The following XKR4 variants were observed in gnomAD, a reference collection of about 807,000 sequenced individuals.
The protein encoded by XKR4 is XK related 4.
In XKR4, 12 loss-of-function variants were observed where a neutral mutation model predicts 53.9. That is an observed-to-expected ratio of 0.22 (90% CI 0.14 to 0.36). XKR4 has a LOEUF of 0.36. XKR4 is among the 10% of genes least tolerant of loss of function. The probability of loss-of-function intolerance (pLI) is 1.00; values close to 1 mark genes in which losing one functional copy is unlikely to be tolerated. For synonymous variants in XKR4, 354 were observed against 362.4 expected (o/e 0.98, Z 0.26); for missense variants, 799 against 859.5 (o/e 0.93, Z 0.88).
chr8:55,268,780 T>G (rs138119393), intron 1 of XKR4, among the ~76,000 whole-genome samples: 1 of 152,334 alleles, frequency 6.6e-6, no homozygotes, highest in Non-Finnish European at 1.5e-5. Flanking sequence ...ATTCCTATTT[T>G]ATTAGATGAG....
intron 2 of XKR4, among the ~76,000 whole-genome samples, chr8:55,425,002 A>G (rs1180526465): frequency 2.0e-5 from 3 of 152,224 alleles, no homozygotes; most frequent in African/African-American, 4.8e-5. Context: ...AAACTGGAAC[A>G]TCTAAATCTC....
intron 1 of XKR4, among the ~76,000 whole-genome samples, chr8:55,122,585 G>C (rs979353557): frequency 6.6e-6 from 1 of 152,200 alleles, no homozygotes; most frequent in Non-Finnish European, 1.5e-5. Context: ...TGAATAGTCA[G>C]TATGTGAGCA....
intron 1 of XKR4, among the ~76,000 whole-genome samples, chr8:55,342,074 G>C (rs1430074012): frequency 6.6e-6 from 1 of 151,938 alleles, no homozygotes; most frequent in Non-Finnish European, 1.5e-5. Flanking sequence ...AACTTAAACT[G>C]TCCAAAGCTC....
chr8:55,247,299 C>T (rs1403327821), intron 1 of XKR4, among the ~76,000 whole-genome samples: 1 of 152,036 alleles, frequency 6.6e-6, no homozygotes, highest in Non-Finnish European at 1.5e-5. Flanking sequence ...TTTTTCCTGC[C>T]CCTTAAACTG....
intron 2 of XKR4, among the ~76,000 whole-genome samples, chr8:55,472,639 C>T (rs989877504): frequency 7.9e-5 from 12 of 151,996 alleles, no homozygotes; most frequent in African/African-American, 2.9e-4. Flanking sequence ...AGGAGCACTT[C>T]GTAGACAAGG....
At chr8:55,176,460 C>T (rs568543910) in intron 1 of XKR4, among the ~76,000 whole-genome samples, 4 of 151,490 alleles carry the variant, frequency 2.6e-5, no homozygotes, top group East Asian at 1.9e-4. Context: ...AGTGTGTGTG[C>T]GTGTGTGTGT....
intron 2 of XKR4, among the ~76,000 whole-genome samples, chr8:55,390,793 G>A (rs911293974): frequency 6.6e-6 from 1 of 152,156 alleles, no homozygotes; most frequent in African/African-American, 2.4e-5. Flanking sequence ...GACTTTGTTC[G>A]CTGTACATTG....
At chr8:55,237,633 C>G (rs1440304783) in intron 1 of XKR4, among the ~76,000 whole-genome samples, 1 of 152,142 alleles carries the variant, frequency 6.6e-6, no homozygotes, top group African/African-American at 2.4e-5. Context: ...CTGCATATCT[C>G]CACTACTTTC....
chr8:55,223,162 A>G (rs1347017858), intron 1 of XKR4, among the ~76,000 whole-genome samples: 1 of 152,224 alleles, frequency 6.6e-6, no homozygotes, highest in African/African-American at 2.4e-5. Flanking sequence ...ATGGGTGTCA[A>G]CTACGCATGT....
At chr8:55,146,654 A>G (rs982702018) in intron 1 of XKR4, among the ~76,000 whole-genome samples, 1 of 152,344 alleles carries the variant, frequency 6.6e-6, no homozygotes, top group Middle Eastern at 3.4e-3. Flanking sequence ...AGGAAACTGT[A>G]TCTTTTTCAT....
At chr8:55,258,800 G>A (rs1818474737) in intron 1 of XKR4, among the ~76,000 whole-genome samples, 2 of 152,118 alleles carry the variant, frequency 1.3e-5, no homozygotes, top group South Asian at 2.1e-4. Flanking sequence ...TCACTTCCTT[G>A]CTGTCCCCTC....
chr8:55,244,535 C>T (rs533329247), intron 1 of XKR4, among the ~76,000 whole-genome samples: 20 of 152,278 alleles, frequency 1.3e-4, no homozygotes, highest in Admixed American at 5.2e-4. Context: ...CATACATGTG[C>T]ATGTGTCTTT....
intron 1 of XKR4, among the ~76,000 whole-genome samples, chr8:55,287,840 T>C (rs1471439934): frequency 6.6e-6 from 1 of 152,188 alleles, no homozygotes; most frequent in Non-Finnish European, 1.5e-5. Flanking sequence ...AGCAAAAATT[T>C]TAAAAAGAAG....
intron 1 of XKR4, among the ~76,000 whole-genome samples, chr8:55,193,196 G>A (rs893269216): frequency 6.6e-6 from 1 of 152,124 alleles, no homozygotes; most frequent in Non-Finnish European, 1.5e-5. Context: ...AGAATGATTT[G>A]CTTTCTCTGT....
At chr8:55,292,383 T>C (rs1819034675) in intron 1 of XKR4, among the ~76,000 whole-genome samples, 2 of 152,098 alleles carry the variant, frequency 1.3e-5, no homozygotes, top group Admixed American at 6.5e-5. Context: ...TGAGTTATAG[T>C]GGTTTGTGTT....
rs1026249272 is a variant in XKR4, at chr8:55,342,092, T to C, written c.807-15586T>C. Among the ~76,000 whole-genome samples the C allele has an allele frequency of 2.6e-5, 4 of 152,214 alleles. No individual in the cohort carries two copies. The South Asian group carries it at 8.3e-4, about 32-fold the overall frequency. ...TTAAACTGTCCAAAGCTCATCATGA[T>C]CTGTGGATCTCGCATCTAAGTTGCC... On this transcript the variant is annotated intron_variant, in intron 1 of 2. Coordinates refer to ENST00000327381, the MANE Select transcript of XKR4 (RefSeq NM_052898.2).
At chr8:55,172,845 C>A (rs372028025) in intron 1 of XKR4, among the ~76,000 whole-genome samples, 1 of 152,266 alleles carries the variant, frequency 6.6e-6, no homozygotes, top group East Asian at 1.9e-4. Context: ...CTCAAGGTTT[C>A]ATTTATCTTG....
chr8:55,271,691 C>A (rs1332291194), intron 1 of XKR4, among the ~76,000 whole-genome samples: 2 of 152,192 alleles, frequency 1.3e-5, no homozygotes, highest in Non-Finnish European at 2.9e-5. Flanking sequence ...AACAGGACAT[C>A]CTGTGTGAGT....
intron 2 of XKR4, among the ~76,000 whole-genome samples, chr8:55,415,448 T>C (rs1347609391): frequency 6.6e-6 from 1 of 152,142 alleles, no homozygotes; most frequent in Non-Finnish European, 1.5e-5. Flanking sequence ...TCATGTAATG[T>C]AGGAAAAGAT....
Sources: allele counts gnomAD v4.1 joint callset (sites outside exome capture counted in the v4.1 genomes callset), GRCh38; gene constraint gnomAD v4.1.1; transcripts MANE v1.5; gene names NCBI Gene and HGNC (gene_info 2026-07-23, HGNC 2026-07-21).